Variants in ZNF423 observed in about 807,000 individuals in gnomAD.
ZNF423 encodes zinc finger protein 423.
In ZNF423, 12 loss-of-function variants were observed where a neutral mutation model predicts 95.8. That is an observed-to-expected ratio of 0.13 (90% CI 0.08 to 0.20). The LOEUF is 0.20. Among genes scored for constraint, ZNF423 ranks in the 10% least tolerant of loss-of-function variants. The pLI, the probability that ZNF423 is intolerant of heterozygous loss-of-function variation, is 1.00. For synonymous variants in ZNF423, 749 were observed against 711.9 expected, an observed-to-expected ratio of 1.05 and a Z score of -0.83; for missense variants, 1,316 against 1,737.1, an observed-to-expected ratio of 0.76 and a Z score of 4.31.
chr16:49,635,704 T>C lies in ZNF423; in HGVS notation c.3472A>G (p.Thr1158Ala), dbSNP rs765815714. 6.2e-7 allele frequency: 1 copy of C among 1,600,778 alleles called. No homozygotes were observed. The highest frequency in any genetic ancestry group is 1.8e-5 in the Admixed American group (1 of 56,462). The change falls in exon 4 of 8, where the codon ACC (threonine) becomes GCC (alanine). Residue 1158 changes from threonine (T) to alanine (A), a missense_variant. This residue lies in a region of ZNF423 where 620 missense variants were observed against 775.6 expected (regional missense o/e 0.80). Coordinates refer to ENST00000563137, the MANE Select transcript of ZNF423 (RefSeq NM_001379286.1). This position sits in a 1 kb window ranked among gnomAD's most constrained non-coding sequence, Gnocchi z 4.8. Reference sequence around the variant, plus strand: ...TGGGTGCCTTTCCGGGGCCCACTGGTCTCCGGCGTGAGGTCACGGTGGTCC... The same window carrying C: ...TGGGTGCCTTTCCGGGGCCCACTGGCCTCCGGCGTGAGGTCACGGTGGTCC... ...QVDHRDLTPE[T>A]SGPRKGTQTS...
At chr16:49,810,896 C>A (rs2034740401) in intron 1 of ZNF423, among the ~76,000 whole-genome samples, 1 of 152,100 alleles carries the variant, frequency 6.6e-6, no homozygotes, top group South Asian at 2.1e-4. Flanking sequence ...CAGGGCAGCG[C>A]TGAGAGTCCG....
At chr16:49,665,441 G>A (rs556720031) in intron 3 of ZNF423, among the ~76,000 whole-genome samples, 1 of 152,182 alleles carries the variant, frequency 6.6e-6, no homozygotes, top group Non-Finnish European at 1.5e-5. Context: ...GGGGAGAACA[G>A]GGGCGCAGTA....
chr16:49,579,789 G>A (rs570005548), intron 5 of ZNF423, among the ~76,000 whole-genome samples: 6 of 152,258 alleles, frequency 3.9e-5, no homozygotes, highest in Admixed American at 2.0e-4. Context: ...TCAGTCCTGC[G>A]AGATGACCTC....
intron 1 of ZNF423, among the ~76,000 whole-genome samples, chr16:49,790,507 C>A (rs888698109): frequency 6.6e-6 from 1 of 152,228 alleles, no homozygotes. Context: ...GGTTGTCTGT[C>A]TCCAAGGTTG....
intron 5 of ZNF423, among the ~76,000 whole-genome samples, chr16:49,594,347 C>A (rs1171177387): frequency 1.3e-5 from 2 of 152,120 alleles, no homozygotes; most frequent in Admixed American, 1.3e-4. Context: ...CACACCCTTG[C>A]GGTAACACAG....
chr16:49,819,982 G>A (rs2034915172), intron 1 of ZNF423, among the ~76,000 whole-genome samples: 1 of 152,128 alleles, frequency 6.6e-6, no homozygotes, highest in Non-Finnish European at 1.5e-5. Flanking sequence ...AAGCCCTGAT[G>A]TTTGTAGGTT....
At chr16:49,499,454 G>T (rs1300506729) in intron 7 of ZNF423, among the ~76,000 whole-genome samples, 1 of 152,230 alleles carries the variant, frequency 6.6e-6, no homozygotes, top group East Asian at 1.9e-4. Flanking sequence ...TGGGGTGGGG[G>T]TTCTGCAGCT....
intron 3 of ZNF423, among the ~76,000 whole-genome samples, chr16:49,712,248 C>T (rs924267978): frequency 9.2e-5 from 14 of 152,138 alleles, no homozygotes; most frequent in Non-Finnish European, 2.1e-4. Context: ...ATGCTGATAA[C>T]ATAGGGGCCT....
At chr16:49,749,274 C>A (rs2033587414) in intron 2 of ZNF423, among the ~76,000 whole-genome samples, 1 of 152,158 alleles carries the variant, frequency 6.6e-6, no homozygotes, top group African/African-American at 2.4e-5. Context: ...GGGAATCTGC[C>A]CACACTGCAA....
chr16:49,709,428 G>A (rs9927179), intron 3 of ZNF423, among the ~76,000 whole-genome samples: 27,936 of 151,456 alleles, frequency 0.18, 3,374 homozygotes, highest in South Asian at 0.35. Context: ...TGGAAGACAC[G>A]TTTATCAGGT....
intron 2 of ZNF423, among the ~76,000 whole-genome samples, chr16:49,735,969 A>T (rs2033277664): frequency 6.6e-6 from 1 of 152,184 alleles, no homozygotes; most frequent in South Asian, 2.1e-4. Flanking sequence ...TTTGTTACGT[A>T]GCAATGGATA....
intron 3 of ZNF423, among the ~76,000 whole-genome samples, chr16:49,688,224 A>C (rs1464315695): frequency 6.6e-6 from 1 of 152,162 alleles, no homozygotes; most frequent in Non-Finnish European, 1.5e-5. Flanking sequence ...GCTTAAGTAG[A>C]AGCTGGATTA....
rs71380366 is a variant in ZNF423, at chr16:49,646,574, C to CTTTTTTTT, written c.302-7708_302-7701dup. ...TTATGGCACATTTTCTTTTCTTTTT[C>CTTTTTTTT]TTTTTTTTTTTTTTGAGAAGGAGTC... On this transcript the variant is annotated intron_variant, in intron 3 of 7. Transcript: ENST00000563137. Among the ~76,000 whole-genome samples, 32 of 117,998 alleles carry CTTTTTTTT rather than the reference C, an allele frequency of 2.7e-4. 1 individual carries two copies. Among genetic ancestry groups the CTTTTTTTT allele is most frequent in the South Asian group, 8.3e-4 (3 of 3,610 alleles). 77.4% of individuals were successfully genotyped at this position (117,998 alleles called of 152,430 possible). A position where few individuals can be genotyped will look rare whatever the true frequency, so the allele number is the denominator to read the frequency against.
At chr16:49,785,141 A>T (rs4785351) in intron 2 of ZNF423, among the ~76,000 whole-genome samples, 18,419 of 152,030 alleles carry the variant, frequency 0.12, 1,203 homozygotes, top group East Asian at 0.23. Context: ...CAGTGTCATG[A>T]TCATAACTCA....
chr16:49,762,920 G>A (rs7500906), intron 2 of ZNF423, among the ~76,000 whole-genome samples: 83,160 of 152,090 alleles, frequency 0.55, 23,792 homozygotes, highest in African/African-American at 0.73. Context: ...TTCTTTTCAC[G>A]TCCCTTTCAT....
intron 1 of ZNF423, among the ~76,000 whole-genome samples, chr16:49,815,014 G>A (rs949739457): frequency 2.0e-5 from 3 of 152,114 alleles, no homozygotes; most frequent in Non-Finnish European, 2.9e-5. Flanking sequence ...CCCAAGCCAC[G>A]TCGGGGAGGG....
At chr16:49,584,073 T>C (rs755951369) in intron 5 of ZNF423, among the ~76,000 whole-genome samples, 2 of 152,120 alleles carry the variant, frequency 1.3e-5, no homozygotes, top group East Asian at 1.9e-4. Context: ...TTTGTAAATA[T>C]TGGTTTGTAG....
chr16:49,642,828 A>T (rs1430191674), intron 3 of ZNF423, among the ~76,000 whole-genome samples: 2 of 86,674 alleles, frequency 2.3e-5, no homozygotes, highest in Non-Finnish European at 4.7e-5. Context: ...TTTTTTTGGC[A>T]GGGGCAGGAG....
chr16:49,732,415 T>C (rs1054769841), intron 2 of ZNF423, among the ~76,000 whole-genome samples: 3 of 152,198 alleles, frequency 2.0e-5, no homozygotes, highest in Non-Finnish European at 4.4e-5. Flanking sequence ...AAAATAAAAG[T>C]GTGTGTTGTC....
Sources: gnomAD v4.1 joint callset for allele counts (sites outside exome capture counted in the v4.1 genomes callset) on GRCh38, gnomAD v4.1.1 for gene constraint, gnomAD v4.1.1 regional missense constraint, Gnocchi (gnomAD v3.1) non-coding constraint, MANE v1.5 for transcripts, NCBI Gene and HGNC (gene_info 2026-07-23, HGNC 2026-07-21) for gene names.